Variants in ALKBH8 observed in about 807,000 individuals in gnomAD.
ALKBH8 encodes tRNA (carboxymethyluridine(34)-5-O)-methyltransferase ALKBH8.
In ALKBH8, 36 loss-of-function variants were observed where a neutral mutation model predicts 59.8. That is an observed-to-expected ratio of 0.60 (90% CI 0.46 to 0.79). ALKBH8 has a LOEUF of 0.79. Ranked by LOEUF, ALKBH8 falls within the 30% of genes least tolerant of loss-of-function variation. The pLI is 0.00. For synonymous variants in ALKBH8, 276 were observed against 273.6 expected (o/e 1.01, Z -0.09); for missense variants, 768 against 801.0 (o/e 0.96, Z 0.50).
intron 10 of ALKBH8, among the ~76,000 whole-genome samples, chr11:107,521,882 A>T (rs1863126037): frequency 1.3e-5 from 2 of 152,142 alleles, no homozygotes. Flanking sequence ...ATGTCCCCTA[A>T]TTATATGACA....
At chr11:107,544,815 C>CCACA (rs5794557) in intron 7 of ALKBH8, among the ~76,000 whole-genome samples, 4,097 of 138,502 alleles carry the variant, frequency 0.03, 58 homozygotes, top group Middle Eastern at 0.05. Flanking sequence ...TAGATACAAA[C>CCACA]CACACACACA....
chr11:107,545,201 G>A (rs1200926734), intron 7 of ALKBH8, among the ~76,000 whole-genome samples: 1 of 152,192 alleles, frequency 6.6e-6, no homozygotes. Flanking sequence ...GGTCCAGACT[G>A]TATTGTTGTT....
chr11:107,525,144 C>T (rs931321552), intron 9 of ALKBH8, among the ~76,000 whole-genome samples: 3 of 152,130 alleles, frequency 2.0e-5, no homozygotes, highest in Non-Finnish European at 2.9e-5. Context: ...TTTTATTGCC[C>T]TTCAATTGTA....
Position 107,503,795 on chromosome 11 carries a change from T to C in ALKBH8, c.*863A>G, listed in dbSNP as rs998276224. ...TAAAGGAGCACATTTGGGTTGTTTTTAGCACCCTGCTCAATGAATTTGGAA... is the reference window on the plus strand; with the variant it reads ...TAAAGGAGCACATTTGGGTTGTTTTCAGCACCCTGCTCAATGAATTTGGAA... On this transcript the variant is annotated 3_prime_UTR_variant, in exon 12 of 12. Coordinates refer to ENST00000428149, the MANE Select transcript of ALKBH8 (RefSeq NM_138775.3). 2.0e-5 allele frequency: 3 copies of C among 152,216 alleles called. No homozygotes were observed. Among genetic ancestry groups the C allele is most frequent in the African/African-American group, 7.2e-5 (3 of 41,462 alleles). The allele number at this position is 152,216 out of a possible 1,614,324, so 9.4% of individuals were successfully genotyped here.
At chr11:107,532,561 T>C (rs1466244720) in intron 7 of ALKBH8, among the ~76,000 whole-genome samples, 155 bp from the exon 8 acceptor site, 2 of 152,250 alleles carry the variant, frequency 1.3e-5, no homozygotes, top group Non-Finnish European at 2.9e-5. Context: ...TCTCAAACTT[T>C]ACTGTACATG....
intron 7 of ALKBH8, among the ~76,000 whole-genome samples, chr11:107,538,555 T>C (rs891652892): frequency 6.6e-6 from 1 of 152,210 alleles, no homozygotes; most frequent in Non-Finnish European, 1.5e-5. Flanking sequence ...AGCAAGCTTA[T>C]AGGGCATGAC....
At chr11:107,560,674 A>C (rs1864898354) in intron 2 of ALKBH8, 91 bp downstream of exon 2, 5 of 1,256,296 alleles carry the variant, frequency 4.0e-6, no homozygotes, top group Non-Finnish European at 5.4e-6. Context: ...CTGAACAATT[A>C]CAGCCTTAGG....
In ALKBH8 at chr11:107,518,461, T is replaced by C. The variant is rs541549432; in HGVS notation, c.1287+3838A>G. 5.9e-5 allele frequency among the ~76,000 whole-genome samples: 9 copies of C among 152,302 alleles called. No individual in the cohort carries two copies. The East Asian group carries it at 1.7e-3, about 29-fold the overall frequency. ...CATAAACTGGCCCCAAAACTGGCCA[T>C]AAACAAAATCTCTGCAGCACTGTGA... On this transcript the variant is annotated intron_variant, in intron 10 of 11. Coordinates refer to ENST00000428149, the MANE Select transcript of ALKBH8 (RefSeq NM_138775.3).
intron 4 of ALKBH8, among the ~76,000 whole-genome samples, chr11:107,553,477 C>A: frequency 6.6e-6 from 1 of 152,024 alleles, no homozygotes; most frequent in South Asian, 2.1e-4. Context: ...TAGAAAGAGT[C>A]AGAAAAACTC....
chr11:107,515,970 A>G (rs1486502788), intron 10 of ALKBH8, among the ~76,000 whole-genome samples: 3 of 152,224 alleles, frequency 2.0e-5, no homozygotes, highest in Admixed American at 6.5e-5. Context: ...CTAAAAATTT[A>G]TCCTAAGAAA....
At chr11:107,547,893 T>C (rs1180134750) in intron 7 of ALKBH8, among the ~76,000 whole-genome samples, 1 of 152,174 alleles carries the variant, frequency 6.6e-6, no homozygotes. Flanking sequence ...GCAGCAGATT[T>C]TCAGTTCAAC....
Position 107,523,354 on chromosome 11 carries a change from G to A in ALKBH8, c.1031-799C>T, listed in dbSNP as rs527666906. On this transcript the variant is annotated intron_variant, in intron 9 of 11. Coordinates refer to ENST00000428149, the MANE Select transcript of ALKBH8 (RefSeq NM_138775.3). ...TATGTTAAGTGAAATAAGCCAGACAGAGAAGGCAAATACTATACAATCTCA... is the reference window on the plus strand; with the variant it reads ...TATGTTAAGTGAAATAAGCCAGACAAAGAAGGCAAATACTATACAATCTCA... Among the ~76,000 whole-genome samples the A allele has an allele frequency of 3.9e-5, 6 of 152,196 alleles. No individual in the cohort carries two copies. The East Asian group carries it at 1.2e-3, about 29-fold the overall frequency.
chr11:107,514,842 G>T (rs1244018898), intron 10 of ALKBH8, among the ~76,000 whole-genome samples: 2 of 151,962 alleles, frequency 1.3e-5, no homozygotes, highest in Non-Finnish European at 2.9e-5. Context: ...AAACCTCAGG[G>T]ATAGGGCTCG....
intron 8 of ALKBH8, among the ~76,000 whole-genome samples, chr11:107,527,887 T>C (rs1469307280): frequency 2.6e-5 from 4 of 152,078 alleles, no homozygotes; most frequent in African/African-American, 9.6e-5. Context: ...ATCCCTGATT[T>C]GTTCAATATC....
At chr11:107,515,956 C>T (rs927256032) in intron 10 of ALKBH8, among the ~76,000 whole-genome samples, 4 of 152,104 alleles carry the variant, frequency 2.6e-5, no homozygotes, top group African/African-American at 9.7e-5. Flanking sequence ...CAATAGTTAC[C>T]TTTCTAAAAA....
chr11:107,537,900 G>T (rs1050134093), intron 7 of ALKBH8, among the ~76,000 whole-genome samples: 2 of 152,078 alleles, frequency 1.3e-5, no homozygotes, highest in Non-Finnish European at 2.9e-5. Flanking sequence ...AGATGAGAAA[G>T]ACCACAGAAG....
Position 107,510,901 on chromosome 11 carries a change from G to C in ALKBH8, c.1423C>G (p.His475Asp). ...ACCATACTTACTGCTGTTGCAAAAT[G>C]ATGAATAACAGCAATGGAGATGCAG... is the stretch of plus-strand genomic sequence containing the variant. ...DACISIAVIH[H>D]FATAERRVAA... The change falls in exon 11 of 12, where the codon CAT becomes GAT. Residue 475 changes from histidine to aspartate, a missense_variant. His to Asp is a moderately conservative substitution (Grantham distance 81). Coordinates refer to ENST00000428149, the MANE Select transcript of ALKBH8 (RefSeq NM_138775.3). The C allele has an allele frequency of 6.4e-7, 1 of 1,551,370 alleles. No individual in the cohort carries two copies. Among genetic ancestry groups the C allele is most frequent in the Non-Finnish European group, 8.7e-7 (1 of 1,146,830 alleles).
intron 7 of ALKBH8, among the ~76,000 whole-genome samples, chr11:107,534,455 C>T (rs1488116818): frequency 6.6e-6 from 1 of 152,182 alleles, no homozygotes; most frequent in Non-Finnish European, 1.5e-5. Context: ...GAGACAAGCT[C>T]TATATCCACC....
At chr11:107,536,398 T>C (rs116291063) in intron 7 of ALKBH8, among the ~76,000 whole-genome samples, 3,435 of 151,514 alleles carry the variant, frequency 0.023, 142 homozygotes, top group African/African-American at 0.08. Context: ...ACAGTGAAAA[T>C]GATGATGTAG....
Sources: gnomAD v4.1 joint callset for allele counts (sites outside exome capture counted in the v4.1 genomes callset) on GRCh38, gnomAD v4.1.1 for gene constraint, MANE v1.5 for transcripts, NCBI Gene and HGNC (gene_info 2026-07-23, HGNC 2026-07-21) for gene names.